Variants in HOOK3 observed in about 807,000 individuals in gnomAD.
The protein encoded by HOOK3 is hook microtubule tethering protein 3.
In HOOK3, 24 loss-of-function variants were observed where a neutral mutation model predicts 116.3. The observed-to-expected ratio is 0.21, with a 90% confidence interval of 0.15 to 0.29. HOOK3 has a LOEUF of 0.29. Ranked by LOEUF, HOOK3 falls within the 10% of genes least tolerant of loss-of-function variation. HOOK3 has a pLI of 1.00. For synonymous variants in HOOK3, 275 were observed against 283.0 expected (o/e 0.97, Z 0.28); for missense variants, 632 against 830.2 (o/e 0.76, Z 2.93).
chr8:42,957,376 G>C (rs1192650269), intron 7 of HOOK3, among the ~76,000 whole-genome samples: 1 of 152,114 alleles, frequency 6.6e-6, no homozygotes, highest in Non-Finnish European at 1.5e-5. Context: ...TTAAAATGCT[G>C]TTGCATAACC....
intron 11 of HOOK3, among the ~76,000 whole-genome samples, chr8:42,972,893 C>T (rs1056554853): frequency 1.3e-5 from 2 of 152,348 alleles, no homozygotes; most frequent in Non-Finnish European, 2.9e-5. Context: ...AGAGCATCTG[C>T]ATGAACTTCT....
intron 2 of HOOK3, among the ~76,000 whole-genome samples, chr8:42,913,784 C>G (rs992952810): frequency 1.3e-5 from 2 of 152,072 alleles, no homozygotes; most frequent in Admixed American, 1.3e-4. Flanking sequence ...CCAACACTTG[C>G]TAAGGTCAGT....
At position 42,957,130 on chromosome 8, in the gene HOOK3, G is replaced by T. The variant is rs759019950; in HGVS notation, c.505G>T (p.Asp169Tyr). The T allele has an allele frequency of 1.5e-5, 24 of 1,597,182 alleles. No individual in the cohort carries two copies. The highest frequency in any genetic ancestry group is 2.0e-5 in the Non-Finnish European group (23 of 1,169,216). Residue 169 changes from aspartate (D) to tyrosine (Y), a missense_variant, in exon 7 of 22, where the codon GAT (aspartate) becomes TAT (tyrosine). This residue lies in a region of HOOK3 where 483 missense variants were observed against 648.1 expected (regional missense o/e 0.75). Transcript: ENST00000307602. ...AGAATCTCCTGTCTCTGCTGGAAAT[G>T]ATGCCTATGTTGACCTTGATCGTCA... is the stretch of plus-strand genomic sequence containing the variant. ...SKESPVSAGN[D>Y]AYVDLDRQLK... is the part of the protein sequence containing the mutation.
intron 13 of HOOK3, among the ~76,000 whole-genome samples, chr8:42,975,144 C>T (rs1482678326): frequency 3.3e-5 from 5 of 152,090 alleles, no homozygotes; most frequent in South Asian, 2.1e-4. Context: ...TGAGGGGTTG[C>T]GGGGAGGAGA....
intron 2 of HOOK3, 21 bp from the exon 3 acceptor site, chr8:42,925,535 TA>T: frequency 6.5e-7 from 1 of 1,529,896 alleles, no homozygotes; most frequent in Non-Finnish European, 8.9e-7. Context: ...TTTTAATATG[TA>T]AGCTTTTTCT....
At chr8:42,966,957 C>T (rs1374408921) in intron 10 of HOOK3, among the ~76,000 whole-genome samples, 1 of 152,120 alleles carries the variant, frequency 6.6e-6, no homozygotes, top group East Asian at 1.9e-4. Flanking sequence ...CGCAAGGCCT[C>T]ATTTTCTTGC....
intron 15 of HOOK3, 126 bp downstream of exon 15, chr8:42,986,921 C>A: frequency 1.1e-6 from 1 of 940,396 alleles, no homozygotes; most frequent in Non-Finnish European, 1.6e-6. Context: ...CTTTGGGAGG[C>A]CCAGGAGGGC....
intron 15 of HOOK3, among the ~76,000 whole-genome samples, chr8:42,988,631 G>T (rs376727852): frequency 6.6e-6 from 1 of 151,790 alleles, no homozygotes; most frequent in Admixed American, 6.6e-5. Context: ...GATCTATAAC[G>T]ATAATAACAG....
At chr8:42,962,921 C>A (rs113890738) in intron 8 of HOOK3, among the ~76,000 whole-genome samples, 63 of 151,594 alleles carry the variant, frequency 4.2e-4, no homozygotes, top group Non-Finnish European at 7.9e-4. Flanking sequence ...CTTGCCTCAG[C>A]CTCCTGAGTA....
At chr8:42,974,452 TG>T (rs1346686398) in intron 13 of HOOK3, among the ~76,000 whole-genome samples, 1 of 152,158 alleles carries the variant, frequency 6.6e-6, no homozygotes, top group Non-Finnish European at 1.5e-5. Flanking sequence ...TTGGCCAGGC[TG>T]GTCTGGAACT....
chr8:42,916,368 A>G (rs1807533835), intron 2 of HOOK3, among the ~76,000 whole-genome samples: 1 of 152,224 alleles, frequency 6.6e-6, no homozygotes, highest in African/African-American at 2.4e-5. Context: ...TTTCTCTGAC[A>G]CCAATTAGGT....
chr8:42,940,116 G>T (rs1202597894), intron 4 of HOOK3, among the ~76,000 whole-genome samples: 1 of 152,254 alleles, frequency 6.6e-6, no homozygotes, highest in Non-Finnish European at 1.5e-5. Flanking sequence ...CGGCACTTTG[G>T]GAGGCCAAGG....
At chr8:42,949,293 CAA>C (rs1392927525) in intron 5 of HOOK3, 2 of 152,178 alleles carry the variant, frequency 1.3e-5, no homozygotes, top group African/African-American at 2.4e-5. Flanking sequence ...TTACTAATAA[CAA>C]AGAGATCTTT....
chr8:42,958,596 G>GT (rs71550434), intron 7 of HOOK3, among the ~76,000 whole-genome samples: 5,648 of 106,302 alleles, frequency 0.053, 185 homozygotes, highest in South Asian at 0.078. Context: ...GTTTTTGATA[G>GT]TTTTTTTTTT....
chr8:42,898,171 T>A (rs1342101131), intron 1 of HOOK3, among the ~76,000 whole-genome samples: 1 of 152,202 alleles, frequency 6.6e-6, no homozygotes, highest in East Asian at 1.9e-4. Flanking sequence ...CAAGGCACTT[T>A]GCTGGAAAGG....
At chr8:42,936,269 T>G (rs890440575) in intron 4 of HOOK3, among the ~76,000 whole-genome samples, 1 of 152,262 alleles carries the variant, frequency 6.6e-6, no homozygotes, top group African/African-American at 2.4e-5. Flanking sequence ...AAGTTGCTTA[T>G]CAGCTTAAGG....
chr8:42,981,883 CA>C (rs11348838), intron 13 of HOOK3, among the ~76,000 whole-genome samples: 70,847 of 108,230 alleles, frequency 0.65, 20,410 homozygotes, highest in East Asian at 0.73. Context: ...GACTCTGTCT[CA>C]AAAAAAAAAA....
intron 4 of HOOK3, among the ~76,000 whole-genome samples, chr8:42,934,114 T>G (rs1467750249): frequency 6.6e-6 from 1 of 152,014 alleles, no homozygotes; most frequent in Non-Finnish European, 1.5e-5. Flanking sequence ...TTTATCCTCT[T>G]TCTGAACTAT....
intron 4 of HOOK3, 81 bp downstream of exon 4, chr8:42,930,253 A>T: frequency 8.1e-7 from 1 of 1,227,170 alleles, no homozygotes; most frequent in Non-Finnish European, 1.1e-6. Flanking sequence ...TTAAGGAAAA[A>T]TTGCTTTCAA....
Sources: allele counts gnomAD v4.1 joint callset (sites outside exome capture counted in the v4.1 genomes callset), GRCh38; gene constraint gnomAD v4.1.1; regional missense constraint gnomAD v4.1.1; transcripts MANE v1.5; gene names NCBI Gene and HGNC (gene_info 2026-07-23, HGNC 2026-07-21).